The following CEP41 variants were observed in gnomAD, a reference collection of about 807,000 sequenced individuals.
CEP41 encodes the protein centrosomal protein 41, also known as centrosomal protein of 41 kDa.
In CEP41, 32 loss-of-function variants were observed where a neutral mutation model predicts 44.3. That is an observed-to-expected ratio of 0.72 (90% CI 0.54 to 0.97). The LOEUF is 0.97. CEP41 is among the 50% of genes least tolerant of loss of function. The probability of loss-of-function intolerance (pLI) is 0.00; values close to 1 mark genes in which losing one functional copy is unlikely to be tolerated. For synonymous variants in CEP41, 151 were observed against 168.5 expected (o/e 0.90, Z 0.80); for missense variants, 432 against 455.2 (o/e 0.95, Z 0.46).
At position 130,394,494 on chromosome 7, in the gene CEP41, T is replaced by C. The variant is rs1554413733; in HGVS notation, c.*4397A>G. ...ACCTACTCTTAAGATGGGGGTGGTG[T>C]GTGACCTTTGCGTGCTGAATTTGGG... On this transcript the variant is annotated 3_prime_UTR_variant, in exon 11 of 11. Transcript: ENST00000223208. The C allele has an allele frequency of 4.4e-6, 2 of 454,012 alleles. No homozygotes were observed. Among genetic ancestry groups the C allele is most frequent in the Admixed American group, 4.7e-5 (2 of 42,558 alleles). 28.1% of individuals were successfully genotyped at this position (454,012 alleles called of 1,614,324 possible).
intron 3 of CEP41, 57 bp from the exon 4 acceptor site, chr7:130,412,297 T>A: frequency 2.3e-6 from 2 of 856,426 alleles, no homozygotes; most frequent in Admixed American, 1.7e-5. Context: ...AGCTATTCTT[T>A]CTAGTTGTCA....
At chr7:130,410,121 G>A (rs2117599759) in intron 5 of CEP41, among the ~76,000 whole-genome samples, 1 of 149,062 alleles carries the variant, frequency 6.7e-6, no homozygotes, top group East Asian at 2.0e-4. Context: ...CGCCTCCTGG[G>A]TTCAAGCAAT....
intron 1 of CEP41, among the ~76,000 whole-genome samples, chr7:130,434,682 G>C (rs1797912035): frequency 6.6e-6 from 1 of 152,126 alleles, no homozygotes; most frequent in Non-Finnish European, 1.5e-5. Context: ...CATGATAAAA[G>C]CAAATCGTAT....
chr7:130,440,992 G>A lies in CEP41; in HGVS notation c.-26C>T. On this transcript the variant is annotated 5_prime_UTR_variant, in exon 1 of 11. Transcript: ENST00000223208. ...ATTTTCTCCAACCGACCACGTTCGG[G>A]GTTCTAGCCTCACGGGTTGCCTCTA... The A allele has an allele frequency of 6.2e-7, 1 of 1,612,164 alleles. No homozygotes were observed. Among genetic ancestry groups the A allele is most frequent in the Non-Finnish European group, 8.5e-7 (1 of 1,179,868 alleles).
chr7:130,418,759 T>C (rs536378260), intron 2 of CEP41, among the ~76,000 whole-genome samples: 1 of 152,348 alleles, frequency 6.6e-6, no homozygotes, highest in Non-Finnish European at 1.5e-5. Flanking sequence ...ATGAGGTAAA[T>C]TTGTAGGAAA....
intron 1 of CEP41, among the ~76,000 whole-genome samples, chr7:130,428,221 C>T (rs1316655300): frequency 6.6e-6 from 1 of 151,152 alleles, no homozygotes; most frequent in Non-Finnish European, 1.5e-5. Context: ...GTCAGGAGTT[C>T]GAGGTCAGCC....
chr7:130,402,585 T>C, intron 7 of CEP41, 63 bp downstream of exon 7: 1 of 1,572,200 alleles, frequency 6.4e-7, no homozygotes, highest in Non-Finnish European at 8.8e-7. Context: ...CCAGCCTGCC[T>C]AGACTCAAGA....
At chr7:130,408,360 A>G (rs1446904037) in intron 5 of CEP41, among the ~76,000 whole-genome samples, 11 of 152,178 alleles carry the variant, frequency 7.2e-5, no homozygotes, top group Admixed American at 7.2e-4. Flanking sequence ...TTGTACAAAG[A>G]TATCATAATT....
chr7:130,398,220 C>A lies in CEP41; in HGVS notation c.*671G>T, dbSNP rs1554415677. 2 of 454,094 alleles carry A rather than the reference C, an allele frequency of 4.4e-6. No homozygotes were observed. Among genetic ancestry groups the A allele is most frequent in the Non-Finnish European group, 8.8e-6 (2 of 226,772 alleles). 28.1% of individuals were successfully genotyped at this position (454,094 alleles called of 1,614,324 possible). On this transcript the variant is annotated 3_prime_UTR_variant, in exon 11 of 11. Transcript: ENST00000223208. ...GACACCCACATGCATACCTTTCTGGCTCCAGGAAATATCTAGTAAGGGGGA... is the reference window on the plus strand; with the variant it reads ...GACACCCACATGCATACCTTTCTGGATCCAGGAAATATCTAGTAAGGGGGA...
chr7:130,400,521 G>T, intron 9 of CEP41, 186 bp downstream of exon 9: 1 of 646,452 alleles, frequency 1.5e-6, no homozygotes. Flanking sequence ...AGCAACATCA[G>T]GAATTAAAAA....
chr7:130,395,075 G>A lies in CEP41; in HGVS notation c.*3816C>T. The A allele has an allele frequency of 2.2e-6, 1 of 454,030 alleles. No individual in the cohort carries two copies. Among genetic ancestry groups the A allele is most frequent in the Admixed American group, 2.3e-5 (1 of 42,568 alleles). The allele number at this position is 454,030 out of a possible 1,614,324, so 28.1% of individuals were successfully genotyped here. A position where few individuals can be genotyped will look rare whatever the true frequency, so the allele number is the denominator to read the frequency against. On this transcript the variant is annotated 3_prime_UTR_variant, in exon 11 of 11. Transcript: ENST00000223208. ...AAAATCATGCACCGAATCCTGTTCTGCCTGAATTCAAGGCTGACAAATTTC... is the reference window on the plus strand; with the variant it reads ...AAAATCATGCACCGAATCCTGTTCTACCTGAATTCAAGGCTGACAAATTTC...
rs1197249011 is a variant in CEP41 at position 130,397,459 on chromosome 7, T to C, written c.*1432A>G. 2.3e-6 allele frequency: 1 copy of C among 436,310 alleles called. No homozygotes were observed. Among genetic ancestry groups the C allele is most frequent in the African/African-American group, 2.1e-5 (1 of 48,624 alleles). 27.0% of individuals were successfully genotyped at this position (436,310 alleles called of 1,614,324 possible). A position where few individuals can be genotyped will look rare whatever the true frequency, so the allele number is the denominator to read the frequency against. On this transcript the variant is annotated 3_prime_UTR_variant, in exon 11 of 11. Coordinates refer to ENST00000223208, the MANE Select transcript of CEP41 (RefSeq NM_018718.3). ...TGTCTCTATGAGATATTTATTACGT[T>C]TATTTCTCATACAAACACAGCCCCC... is the stretch of plus-strand genomic sequence containing the variant.
intron 1 of CEP41, 144 bp downstream of exon 1, chr7:130,440,790 C>CCCCCCCCAAA: frequency 1.6e-6 from 1 of 631,554 alleles, no homozygotes; most frequent in Non-Finnish European, 2.9e-6. Flanking sequence ...CGGCCCGCCC[C>CCCCCCCCAAA]GCCCCTGCAT....
At position 130,418,334 on chromosome 7, in the gene CEP41, G is replaced by A. The variant is rs200421284; in HGVS notation, c.98-1368C>T. 7.2e-5 allele frequency among the ~76,000 whole-genome samples: 11 copies of A among 152,250 alleles called. No homozygotes were observed. In the South Asian group the frequency reaches 1.0e-3, roughly 14 times the overall value. On this transcript the variant is annotated intron_variant, in intron 2 of 10. Transcript: ENST00000223208. ...AGGTTCTTCAAACTGCAATTGACCC[G>A]AGATGTGACCAGATCTTCAGAGCAG...
intron 1 of CEP41, among the ~76,000 whole-genome samples, chr7:130,436,423 A>G (rs1204513240): frequency 6.6e-6 from 1 of 152,196 alleles, no homozygotes; most frequent in Non-Finnish European, 1.5e-5. Flanking sequence ...TGACCAGAAG[A>G]GTAGCTTGGA....
rs1451841903 is a variant in CEP41 at position 130,394,409 on chromosome 7, C to G, written c.*4482G>C. On this transcript the variant is annotated 3_prime_UTR_variant, in exon 11 of 11. Transcript: ENST00000223208. ...ATCTAGGAGCAAAGTAAGCTCTCCA[C>G]AAACATTGGCTAGTATTATTATTTT... 2.2e-5 allele frequency: 10 copies of G among 453,968 alleles called. No homozygotes were observed. Among genetic ancestry groups the G allele is most frequent in the African/African-American group, 1.2e-4 (6 of 49,986 alleles). 28.1% of individuals were successfully genotyped at this position (453,968 alleles called of 1,614,324 possible). A position where few individuals can be genotyped will look rare whatever the true frequency, so the allele number is the denominator to read the frequency against.
In CEP41 at chr7:130,396,621, G is replaced by A. The variant is rs1446719454; in HGVS notation, c.*2270C>T. The A allele has an allele frequency of 4.4e-6, 2 of 454,418 alleles. No homozygotes were observed. Among genetic ancestry groups the A allele is most frequent in the African/African-American group, 4.0e-5 (2 of 50,012 alleles). 28.1% of individuals were successfully genotyped at this position (454,418 alleles called of 1,614,324 possible). A position where few individuals can be genotyped will look rare whatever the true frequency, so the allele number is the denominator to read the frequency against. On this transcript the variant is annotated 3_prime_UTR_variant, in exon 11 of 11. Transcript: ENST00000223208. ...AATAATACATGTCAATTAATCTAAT[G>A]AAGAAACTGGCAAAGTAGAATGTTA...
intron 2 of CEP41, among the ~76,000 whole-genome samples, chr7:130,423,456 G>A (rs947677479): frequency 7.2e-5 from 11 of 152,106 alleles, no homozygotes; most frequent in Non-Finnish European, 1.2e-4. Context: ...TAATCAAAAC[G>A]ATGAACAATA....
At position 130,418,110 on chromosome 7, in the gene CEP41, T is replaced by G. The variant is rs73721895; in HGVS notation, c.98-1144A>C. On this transcript the variant is annotated intron_variant, in intron 2 of 10. Transcript: ENST00000223208. ...TGTTTTCTTTTCTTTTCTTTTCTTT[T>G]TTTTGGTGTTAAGACATACACTCTC... 6.3e-3 allele frequency among the ~76,000 whole-genome samples: 966 copies of G among 152,324 alleles called. 9 individuals carry two copies. Among genetic ancestry groups the G allele is most frequent in the African/African-American group, 0.022 (922 of 41,568 alleles).
Sources: gnomAD v4.1 joint callset for allele counts (sites outside exome capture counted in the v4.1 genomes callset) on GRCh38, gnomAD v4.1.1 for gene constraint, MANE v1.5 for transcripts, NCBI Gene and HGNC (gene_info 2026-07-23, HGNC 2026-07-21) for gene names.